Variants in SNTG1 observed in about 807,000 individuals in gnomAD.
The protein encoded by SNTG1 is syntrophin gamma 1.
SNTG1 carries 39 observed loss-of-function variants against 74.7 expected under a neutral mutation model. The ratio of observed to expected loss-of-function variants is 0.52; its 90% CI spans 0.40 to 0.68. The LOEUF is 0.68. Ranked by LOEUF, SNTG1 falls within the 30% of genes least tolerant of loss-of-function variation. SNTG1 has a pLI of 0.00. For missense variants in SNTG1, 685 were observed against 609.5 expected, an observed-to-expected ratio of 1.12 and a Z score of -1.30; for synonymous variants, 254 against 217.1, an observed-to-expected ratio of 1.17 and a Z score of -1.49.
At chr8:50,090,497 T>C (rs1290588003) in intron 1 of SNTG1, among the ~76,000 whole-genome samples, 3 of 152,190 alleles carry the variant, frequency 2.0e-5, no homozygotes, top group East Asian at 3.8e-4. Context: ...GAAAGATTCA[T>C]CTGCAGAAGG....
intron 9 of SNTG1, among the ~76,000 whole-genome samples, chr8:50,510,266 C>A (rs1412724140): frequency 1.3e-5 from 2 of 152,072 alleles, no homozygotes; most frequent in Non-Finnish European, 2.9e-5. Context: ...GGATGAAGCC[C>A]ACTTGATCAT....
At chr8:50,147,202 T>G (rs528961581) in intron 1 of SNTG1, among the ~76,000 whole-genome samples, 1 of 152,108 alleles carries the variant, frequency 6.6e-6, no homozygotes, top group Non-Finnish European at 1.5e-5. Context: ...TCTAGTAAAT[T>G]TGAAAACAGG....
At chr8:50,526,676 A>C (rs1251959035) in intron 9 of SNTG1, among the ~76,000 whole-genome samples, 2 of 151,244 alleles carry the variant, frequency 1.3e-5, no homozygotes, top group Non-Finnish European at 2.9e-5. Context: ...TTTGAGATGG[A>C]GTCTCCCCCT....
chr8:49,962,444 A>G (rs962733327), intron 1 of SNTG1, among the ~76,000 whole-genome samples: 1 of 151,950 alleles, frequency 6.6e-6, no homozygotes, highest in Non-Finnish European at 1.5e-5. Flanking sequence ...TCACATATAA[A>G]TGAGTCAGGA....
chr8:50,171,420 C>T (rs1044974374), intron 1 of SNTG1, among the ~76,000 whole-genome samples: 2 of 152,000 alleles, frequency 1.3e-5, no homozygotes, highest in Non-Finnish European at 2.9e-5. Flanking sequence ...TAGGCTGGGC[C>T]GCTAAGCCAG....
At chr8:50,764,005 A>T (rs2131751349) in intron 18 of SNTG1, among the ~76,000 whole-genome samples, 1 of 151,432 alleles carries the variant, frequency 6.6e-6, no homozygotes, top group South Asian at 2.1e-4. Context: ...AACAAAATAG[A>T]GAGGCCAGAA....
At chr8:50,722,754 G>A (rs2095490822) in intron 17 of SNTG1, among the ~76,000 whole-genome samples, 1 of 152,112 alleles carries the variant, frequency 6.6e-6, no homozygotes, top group Admixed American at 6.5e-5. Context: ...GATTTGTTGT[G>A]TTGTTCTTTC....
chr8:50,320,986 G>T (rs754801867), intron 2 of SNTG1, among the ~76,000 whole-genome samples: 1 of 152,040 alleles, frequency 6.6e-6, no homozygotes. Flanking sequence ...TATGTATTTT[G>T]TGGCTGTTGG....
intron 1 of SNTG1, among the ~76,000 whole-genome samples, chr8:50,080,576 C>T (rs1163441989): frequency 6.6e-6 from 1 of 151,846 alleles, no homozygotes; most frequent in African/African-American, 2.4e-5. Context: ...TTTCAGTGTG[C>T]CATTTTAATT....
chr8:50,635,189 A>G (rs1177228198), intron 13 of SNTG1, among the ~76,000 whole-genome samples: 1 of 152,190 alleles, frequency 6.6e-6, no homozygotes, highest in East Asian at 1.9e-4. Context: ...ATTTCTTGGC[A>G]TAATACACTA....
intron 2 of SNTG1, among the ~76,000 whole-genome samples, chr8:50,368,371 A>C (rs964340862): frequency 3.3e-5 from 5 of 152,172 alleles, no homozygotes; most frequent in Non-Finnish European, 7.3e-5. Context: ...ACAATAGGAA[A>C]AATATGGATT....
chr8:50,597,350 C>T (rs199628946), intron 13 of SNTG1, among the ~76,000 whole-genome samples: 10 of 146,004 alleles, frequency 6.8e-5, no homozygotes, highest in East Asian at 2.0e-4. Context: ...CATATATACA[C>T]GTATATATAC....
At chr8:50,292,688 A>T (rs1586984612) in intron 2 of SNTG1, among the ~76,000 whole-genome samples, 1 of 152,224 alleles carries the variant, frequency 6.6e-6, no homozygotes, top group Admixed American at 6.5e-5. Context: ...GTCAGTTGAG[A>T]TGAAGATGAC....
chr8:50,688,918 C>A (rs1585536453), intron 15 of SNTG1, among the ~76,000 whole-genome samples: 1 of 152,046 alleles, frequency 6.6e-6, no homozygotes, highest in Non-Finnish European at 1.5e-5. Context: ...TTGTTTGTAT[C>A]CTCTTGTATT....
At chr8:50,013,471 A>C (rs550983911) in intron 1 of SNTG1, among the ~76,000 whole-genome samples, 3 of 143,486 alleles carry the variant, frequency 2.1e-5, no homozygotes, top group African/African-American at 8.3e-5. Context: ...AGAGAGATAG[A>C]TAGATAGATA....
chr8:50,047,554 A>G (rs1207159209), intron 1 of SNTG1, among the ~76,000 whole-genome samples: 2 of 152,226 alleles, frequency 1.3e-5, no homozygotes, highest in Non-Finnish European at 2.9e-5. Flanking sequence ...GAATACATTC[A>G]TGACCAGAAT....
intron 2 of SNTG1, among the ~76,000 whole-genome samples, chr8:50,214,977 C>T (rs964836705): frequency 3.3e-5 from 5 of 152,084 alleles, no homozygotes; most frequent in African/African-American, 9.7e-5. Context: ...CGTCCAGTGG[C>T]GTTGAAGGCA....
At chr8:50,419,958 A>T (rs576909471) in intron 4 of SNTG1, among the ~76,000 whole-genome samples, 1 of 152,164 alleles carries the variant, frequency 6.6e-6, no homozygotes, top group South Asian at 2.1e-4. Context: ...AGACAGAGAG[A>T]ACAATAAAAA....
chr8:50,173,731 C>T (rs1177582070), intron 2 of SNTG1, among the ~76,000 whole-genome samples: 1 of 152,114 alleles, frequency 6.6e-6, no homozygotes, highest in East Asian at 1.9e-4. Context: ...CCACATTGTG[C>T]TGTTTCTTGT....
Sources: allele counts gnomAD v4.1 joint callset (sites outside exome capture counted in the v4.1 genomes callset), GRCh38; gene constraint gnomAD v4.1.1; transcripts MANE v1.5; gene names NCBI Gene and HGNC (gene_info 2026-07-23, HGNC 2026-07-21).